The following MINDY4B variants were observed in gnomAD, a reference collection of about 807,000 sequenced individuals.
MINDY4B encodes inactive ubiquitin carboxyl-terminal hydrolase MINDY-4B.
A neutral mutation model predicts 16.7 loss-of-function variants in MINDY4B; 25 were observed. That is an observed-to-expected ratio of 1.49 (90% CI 1.09 to 2.09). The LOEUF (loss-of-function observed/expected upper bound fraction) is 2.09, where lower values mean the gene tolerates loss of function less well. Among genes scored for constraint, MINDY4B ranks in the 30% most tolerant of loss-of-function variants. MINDY4B has a pLI of 0.00. For synonymous variants in MINDY4B, 132 were observed against 61.9 expected (o/e 2.13, Z -5.32); for missense variants, 327 against 168.4 (o/e 1.94, Z -5.21).
At chr3:150,885,146 T>C (rs1711589580) in intron 8 of MINDY4B, among the ~76,000 whole-genome samples, 1 of 152,198 alleles carries the variant, frequency 6.6e-6, no homozygotes, top group African/African-American at 2.4e-5. Context: ...AGGAACCTAC[T>C]AGGGTATTGT....
Position 150,903,277 on chromosome 3 carries a change from C to G in MINDY4B, c.281G>C (p.Gly94Ala). 2.5e-6 allele frequency: 1 copy of G among 398,482 alleles called. No homozygotes were observed. The highest frequency in any genetic ancestry group is 4.4e-5 in the Admixed American group (1 of 22,736). The allele number at this position is 398,482 out of a possible 1,614,324, so 24.7% of individuals were successfully genotyped here. A position where few individuals can be genotyped will look rare whatever the true frequency, so the allele number is the denominator to read the frequency against. ...NPSIISSKLGGFPISLAMATK... is the reference protein window; with the variant it reads ...NPSIISSKLGAFPISLAMATK... ...GGCCATTGCTAGGGAGATAGGAAAG[C>G]CACCCAATTTTGAAGAGATGATAGA... Residue 94 changes from glycine (G) to alanine (A), a missense_variant, in exon 3 of 12, where the codon GGC (glycine) becomes GCC (alanine). Physicochemically the swap from Gly to Ala is moderately conservative, Grantham distance 60. Coordinates refer to ENST00000465419, the MANE Select transcript of MINDY4B (RefSeq NM_001351281.2).
intron 3 of MINDY4B, among the ~76,000 whole-genome samples, chr3:150,898,477 C>T (rs957516792): frequency 1.1e-4 from 17 of 152,160 alleles, no homozygotes; most frequent in South Asian, 4.1e-4. Flanking sequence ...GGCCAGGCCC[C>T]GTTGGCCAGT....
chr3:150,890,227 A>G (rs2107904451), intron 7 of MINDY4B, 93 bp downstream of exon 7: 2 of 410,082 alleles, frequency 4.9e-6, no homozygotes, highest in South Asian at 9.0e-5. Context: ...GGTTTTCTTA[A>G]CAGGCATCAT....
chr3:150,903,682 C>A (rs1243320256), intron 2 of MINDY4B, among the ~76,000 whole-genome samples: 3 of 152,180 alleles, frequency 2.0e-5, no homozygotes, highest in Non-Finnish European at 4.4e-5. Flanking sequence ...AAGACCTTGA[C>A]TTGAAATTAT....
intron 3 of MINDY4B, among the ~76,000 whole-genome samples, chr3:150,896,466 C>T (rs900726362): frequency 3.3e-5 from 5 of 152,038 alleles, no homozygotes; most frequent in Admixed American, 1.3e-4. Context: ...CCTTGTTTTG[C>T]CATATTACCA....
At chr3:150,897,286 C>T (rs1252958400) in intron 3 of MINDY4B, among the ~76,000 whole-genome samples, 2 of 147,970 alleles carry the variant, frequency 1.4e-5, no homozygotes, top group African/African-American at 2.5e-5. Context: ...CTGGGGTGTC[C>T]CTAGATGAGG....
chr3:150,880,569 T>G (rs1305694442), intron 10 of MINDY4B, among the ~76,000 whole-genome samples: 1 of 152,214 alleles, frequency 6.6e-6, no homozygotes, highest in Non-Finnish European at 1.5e-5. Context: ...AGAAAAACAT[T>G]AAGCAAATAA....
intron 7 of MINDY4B, among the ~76,000 whole-genome samples, 189 bp downstream of exon 7, chr3:150,890,131 T>G (rs1711759857): frequency 6.6e-6 from 1 of 152,250 alleles, no homozygotes; most frequent in Admixed American, 6.5e-5. Context: ...CTGTGTGTGA[T>G]CTGGCCTCTT....
In MINDY4B at chr3:150,870,762, G is replaced by T. The variant is rs566091616; in HGVS notation, c.*283C>A. Among the ~76,000 whole-genome samples, 1 of 152,240 alleles carries T rather than the reference G, an allele frequency of 6.6e-6. No homozygotes were observed. The highest frequency in any genetic ancestry group is 6.5e-5 in the Admixed American group (1 of 15,282). On this transcript the variant is annotated 3_prime_UTR_variant, in exon 12 of 12. Transcript: ENST00000465419. ...CTTTGGAAAAACATGCAAGAGAGAG[G>T]CTTCATTTTCTCTTTTGAATAAAAG...
At chr3:150,898,911 T>C (rs1712046251) in intron 3 of MINDY4B, among the ~76,000 whole-genome samples, 1 of 152,168 alleles carries the variant, frequency 6.6e-6, no homozygotes, top group Non-Finnish European at 1.5e-5. Flanking sequence ...TGTGACCACC[T>C]GCCCACCCCT....
At chr3:150,897,390 A>G (rs1712004200) in intron 3 of MINDY4B, among the ~76,000 whole-genome samples, 1 of 149,148 alleles carries the variant, frequency 6.7e-6, no homozygotes, top group Non-Finnish European at 1.5e-5. Flanking sequence ...TAGGAAGAAG[A>G]GTAGAAGCTC....
At chr3:150,872,963 C>A (rs1717003995) in intron 11 of MINDY4B, among the ~76,000 whole-genome samples, 1 of 152,316 alleles carries the variant, frequency 6.6e-6, no homozygotes, top group African/African-American at 2.4e-5. Flanking sequence ...TTCTTCTCTG[C>A]TATTTCTAAC....
chr3:150,890,193 C>A, intron 7 of MINDY4B, 127 bp downstream of exon 7: 1 of 417,056 alleles, frequency 2.4e-6, no homozygotes, highest in South Asian at 7.8e-5. Context: ...TCATTCTGCC[C>A]TTTCTTAGCC....
chr3:150,871,160 T>A lies in MINDY4B; in HGVS notation c.1268A>T (p.Asp423Val). The A allele has an allele frequency of 1.4e-6, 1 of 702,766 alleles. No individual in the cohort carries two copies. Among genetic ancestry groups the A allele is most frequent in the Non-Finnish European group, 2.6e-6 (1 of 384,830 alleles). The allele number at this position is 702,766 out of a possible 1,614,324, so 43.5% of individuals were successfully genotyped here. A position where few individuals can be genotyped will look rare whatever the true frequency, so the allele number is the denominator to read the frequency against. The change falls in exon 12 of 12, where the codon GAC (aspartate) becomes GTC (valine). Residue 423 changes from aspartate to valine, a missense_variant. Asp to Val is a radical substitution (Grantham distance 152, BLOSUM62 -3). Transcript: ENST00000465419. The stretch of plus-strand genomic sequence containing the variant: ...TGGTCCATGTTTCTCTTCCTGTTGG[T>A]CTCTTTCCCAGTGATGGGAGTGAGT... ...IDTHSHHWER[D>V]QQEEKHGPRR...
At chr3:150,885,711 A>AGGTGTAGTATGTCCTTTCTAGCCCACT (rs1452413964) in intron 7 of MINDY4B, among the ~76,000 whole-genome samples, 1 of 152,128 alleles carries the variant, frequency 6.6e-6, no homozygotes, top group Non-Finnish European at 1.5e-5. Context: ...ACCTTGGCCA[A>AGGTGTAGTATGTCCTTTCTAGCCCACT]GGTGTAGTAT....
At chr3:150,900,830 C>T (rs1200300053) in intron 3 of MINDY4B, among the ~76,000 whole-genome samples, 2 of 152,130 alleles carry the variant, frequency 1.3e-5, no homozygotes, top group African/African-American at 2.4e-5. Context: ...CAGAGTTTCT[C>T]GCCTCCCCAG....
intron 3 of MINDY4B, among the ~76,000 whole-genome samples, chr3:150,895,949 A>G (rs1181537314): frequency 6.6e-6 from 1 of 152,140 alleles, no homozygotes; most frequent in Non-Finnish European, 1.5e-5. Flanking sequence ...TATGTTTTCC[A>G]AACTTTTAGA....
chr3:150,885,753 T>TGCTGCCCTTG (rs1711606605), intron 7 of MINDY4B, among the ~76,000 whole-genome samples: 1 of 152,224 alleles, frequency 6.6e-6, no homozygotes, highest in African/African-American at 2.4e-5. Context: ...TGCTGCTCTT[T>TGCTGCCCTTG]GCTGCCCTTG....
At chr3:150,893,711 G>C (rs1195775600) in intron 4 of MINDY4B, among the ~76,000 whole-genome samples, 3 of 108,612 alleles carry the variant, frequency 2.8e-5, no homozygotes, top group Non-Finnish European at 3.8e-5. Context: ...GGGGGGGTGG[G>C]GTGCAGTCTT....
Sources: gnomAD v4.1 joint callset for allele counts (sites outside exome capture counted in the v4.1 genomes callset) on GRCh38, gnomAD v4.1.1 for gene constraint, MANE v1.5 for transcripts, NCBI Gene and HGNC (gene_info 2026-07-23, HGNC 2026-07-21) for gene names.